Variants in PLXDC2 observed in about 807,000 individuals in gnomAD.
The protein encoded by PLXDC2 is plexin domain-containing protein 2.
In PLXDC2, 40 loss-of-function variants were observed where a neutral mutation model predicts 68.9. The ratio of observed to expected loss-of-function variants is 0.58; its 90% confidence interval spans 0.45 to 0.76. The LOEUF (loss-of-function observed/expected upper bound fraction) is 0.76, where lower values mean the gene tolerates loss of function less well. Among genes scored for constraint, PLXDC2 ranks in the 30% least tolerant of loss-of-function variants. The pLI is 0.00. For synonymous variants in PLXDC2, 243 were observed against 234.2 expected (o/e 1.04, Z -0.34); for missense variants, 644 against 661.9 (o/e 0.97, Z 0.30).
chr10:20,138,684 G>A (rs1388707305), intron 4 of PLXDC2, among the ~76,000 whole-genome samples: 1 of 152,102 alleles, frequency 6.6e-6, no homozygotes, highest in African/African-American at 2.4e-5. Context: ...AGGCCAAGGC[G>A]GGTGGATCAC....
At chr10:20,044,247 TTCTTTCTTTCTTTCTTTC>T (rs1564294003) in intron 2 of PLXDC2, among the ~76,000 whole-genome samples, 1 of 121,512 alleles carries the variant, frequency 8.2e-6, no homozygotes, top group African/African-American at 4.0e-5. Context: ...CTTTCTTTCT[TTCTTTCTTTCTTTCTTTC>T]TTTCTTTCTT....
chr10:19,893,400 T>C (rs935656080), intron 1 of PLXDC2, among the ~76,000 whole-genome samples: 11 of 152,230 alleles, frequency 7.2e-5, no homozygotes, highest in African/African-American at 2.7e-4. Flanking sequence ...TAAAGTAGTC[T>C]GTGGACTGCT....
At chr10:20,122,250 G>A (rs374204766) in intron 4 of PLXDC2, among the ~76,000 whole-genome samples, 4 of 152,132 alleles carry the variant, frequency 2.6e-5, no homozygotes, top group Admixed American at 6.5e-5. Flanking sequence ...CTGTCAATAC[G>A]CACCACAGTT....
At chr10:20,224,422 A>C (rs1421442818) in intron 12 of PLXDC2, among the ~76,000 whole-genome samples, 5 of 152,210 alleles carry the variant, frequency 3.3e-5, no homozygotes, top group Non-Finnish European at 5.9e-5. Context: ...TATTTTTAAA[A>C]AAATGACCTA....
At chr10:19,835,360 A>G (rs186246987) in intron 1 of PLXDC2, among the ~76,000 whole-genome samples, 1 of 152,338 alleles carries the variant, frequency 6.6e-6, no homozygotes, top group Non-Finnish European at 1.5e-5. Flanking sequence ...TAAAGATGGA[A>G]TGTGATGCAG....
intron 1 of PLXDC2, among the ~76,000 whole-genome samples, chr10:19,845,817 A>T (rs892050745): frequency 6.6e-6 from 1 of 152,128 alleles, no homozygotes; most frequent in Non-Finnish European, 1.5e-5. Context: ...CTTTTGGGTC[A>T]TTGGGTCATT....
chr10:19,890,091 A>G (rs1453481935), intron 1 of PLXDC2, among the ~76,000 whole-genome samples: 1 of 152,104 alleles, frequency 6.6e-6, no homozygotes, highest in Non-Finnish European at 1.5e-5. Flanking sequence ...TCTGTGACAA[A>G]TTTGATAGCC....
chr10:20,168,491 G>A (rs1001130386), intron 7 of PLXDC2, among the ~76,000 whole-genome samples: 5 of 152,186 alleles, frequency 3.3e-5, no homozygotes, highest in Non-Finnish European at 1.5e-5. Context: ...CACAGTGACA[G>A]TGTGTCTCTG....
chr10:20,217,477 A>G lies in PLXDC2; in HGVS notation c.1174A>G (p.Thr392Ala). The G allele has an allele frequency of 6.2e-7, 1 of 1,612,674 alleles. No individual in the cohort carries two copies. Among genetic ancestry groups the G allele is most frequent in the South Asian group, 1.1e-5 (1 of 90,960 alleles). The change falls in exon 11 of 14, where the codon ACC becomes GCC. Residue 392 changes from threonine to alanine, a missense_variant. Transcript: ENST00000377252. ...AGAACCAGTGGAAACTTCTTCTCGAACCACCACAACCGTAGGAGCGACAAC... is the reference window on the plus strand; with the variant it reads ...AGAACCAGTGGAAACTTCTTCTCGAGCCACCACAACCGTAGGAGCGACAAC... ...NTEPVETSSR[T>A]TTTVGATTTQ... is the part of the protein sequence containing the mutation.
chr10:19,854,597 T>C lies in PLXDC2; in HGVS notation c.112+37406T>C, dbSNP rs902900475. ...TGTTCATGTAGACGCAAGACCTAGA[T>C]TTTTTTTTACATTATAAGGTTAATT... is the stretch of plus-strand genomic sequence containing the variant. On this transcript the variant is annotated intron_variant, in intron 1 of 13. Coordinates refer to ENST00000377252, the MANE Select transcript of PLXDC2 (RefSeq NM_032812.9). 2.0e-5 allele frequency among the ~76,000 whole-genome samples: 3 copies of C among 151,814 alleles called. No individual in the cohort carries two copies. In the East Asian group the frequency reaches 5.8e-4, roughly 29 times the overall value.
chr10:20,143,527 T>G lies in PLXDC2; in HGVS notation c.664+110T>G. The G allele has an allele frequency of 3.0e-6, 4 of 1,342,920 alleles. No individual in the cohort carries two copies. The South Asian group carries it at 3.9e-5, about 13-fold the overall frequency. The allele number at this position is 1,342,920 out of a possible 1,614,324, so 83.2% of individuals were successfully genotyped here. On this transcript the variant is annotated intron_variant, in intron 5 of 13. Transcript: ENST00000377252. Reference sequence around the variant, plus strand: ...TTTATTTTTTGGTGTGTAAACTGCTTGATGCAAATGGTCTGAGAGGACAAA... The same window carrying G: ...TTTATTTTTTGGTGTGTAAACTGCTGGATGCAAATGGTCTGAGAGGACAAA...
At chr10:19,937,446 G>A (rs796306811) in intron 1 of PLXDC2, among the ~76,000 whole-genome samples, 2 of 150,496 alleles carry the variant, frequency 1.3e-5, no homozygotes, top group African/African-American at 4.9e-5. Context: ...ACCCCTGCTG[G>A]CAACTTCATC....
intron 11 of PLXDC2, among the ~76,000 whole-genome samples, chr10:20,218,439 T>C (rs985899842): frequency 6.6e-6 from 1 of 152,270 alleles, no homozygotes; most frequent in African/African-American, 2.4e-5. Flanking sequence ...AAAGCAACAT[T>C]ATCTTTTAAT....
At chr10:20,189,036 TCTTC>T (rs1472554069) in intron 9 of PLXDC2, among the ~76,000 whole-genome samples, 1 of 75,356 alleles carries the variant, frequency 1.3e-5, no homozygotes, top group Non-Finnish European at 4.8e-5. Context: ...TAATGAAGAA[TCTTC>T]GCTTTTCTAT....
At chr10:19,853,071 G>A (rs1202338220) in intron 1 of PLXDC2, among the ~76,000 whole-genome samples, 1 of 152,290 alleles carries the variant, frequency 6.6e-6, no homozygotes, top group East Asian at 1.9e-4. Flanking sequence ...CATTCTTTCA[G>A]TTGCTCAATA....
At chr10:20,161,813 C>T (rs1349183434) in intron 6 of PLXDC2, among the ~76,000 whole-genome samples, 1 of 151,994 alleles carries the variant, frequency 6.6e-6, no homozygotes, top group African/African-American at 2.4e-5. Flanking sequence ...GGGCGGATCA[C>T]CTGAGGTCAG....
chr10:19,818,306 G>A (rs1006750363), intron 1 of PLXDC2, among the ~76,000 whole-genome samples: 2 of 149,732 alleles, frequency 1.3e-5, no homozygotes, highest in Non-Finnish European at 3.0e-5. Flanking sequence ...GTATGCATGC[G>A]TCCTCAACAG....
At chr10:19,831,602 A>C (rs1373882108) in intron 1 of PLXDC2, among the ~76,000 whole-genome samples, 3 of 152,044 alleles carry the variant, frequency 2.0e-5, no homozygotes, top group African/African-American at 7.2e-5. Flanking sequence ...CCGCCCTCAG[A>C]TAGACCCCAG....
Position 19,838,968 on chromosome 10 carries a change from C to T in PLXDC2, c.112+21777C>T, listed in dbSNP as rs192554810. 4.5e-3 allele frequency among the ~76,000 whole-genome samples: 690 copies of T among 152,162 alleles called. 5 individuals carry two copies. Among genetic ancestry groups the T allele is most frequent in the Admixed American group, 7.4e-3 (113 of 15,278 alleles). On this transcript the variant is annotated intron_variant, in intron 1 of 13. Transcript: ENST00000377252. ...TGTGAGGCCGAGGCCAGTGGATCAC[C>T]TAAGGCCAGGAGTTCAAGACCAGCC...
Sources: gnomAD v4.1 joint callset for allele counts (sites outside exome capture counted in the v4.1 genomes callset) on GRCh38, gnomAD v4.1.1 for gene constraint, MANE v1.5 for transcripts, NCBI Gene and HGNC (gene_info 2026-07-23, HGNC 2026-07-21) for gene names.